Variants in UNC79 observed in about 807,000 individuals in gnomAD.
The protein encoded by UNC79 is protein unc-79 homolog.
A neutral mutation model predicts 283.1 loss-of-function variants in UNC79; 37 were observed. The ratio of observed to expected loss-of-function variants is 0.13; its 90% CI spans 0.10 to 0.17. UNC79 has a LOEUF of 0.17. UNC79 is among the 10% of genes least tolerant of loss of function. UNC79 has a pLI of 1.00. For missense variants in UNC79, 2,272 were observed against 3,211.1 expected (o/e 0.71, Z 7.07); for synonymous variants, 1,107 against 1,200.2 (o/e 0.92, Z 1.61).
chr14:93,643,570 G>C lies in UNC79; in HGVS notation c.5917G>C (p.Gly1973Arg), dbSNP rs138879934. ...TTTTCTTTGCAGATGCCATGACTGT[G>C]GGGCCATTCTTGAAGAATACGATGA... The change falls in exon 34 of 49, where the codon GGG (glycine) becomes CGG (arginine). Residue 1973 changes from glycine to arginine, a missense_variant. By Grantham distance (125) the Gly-to-Arg change is moderately radical (BLOSUM62 -2). This residue lies in a region of UNC79 where 287 missense variants were observed against 446.4 expected (regional missense o/e 0.64). Transcript: ENST00000555664. 140 of 1,613,778 alleles carry C rather than the reference G, an allele frequency of 8.7e-5. No homozygotes were observed. Among genetic ancestry groups the C allele is most frequent in the Admixed American group, 3.3e-5 (2 of 60,004 alleles).
intron 6 of UNC79, 125 bp downstream of exon 6, chr14:93,496,591 C>A: frequency 1.8e-6 from 1 of 545,964 alleles, no homozygotes; most frequent in Non-Finnish European, 3.1e-6. Flanking sequence ...TTTGATGTGG[C>A]AGAACCTATA....
chr14:93,624,822 C>A (rs1259756640), intron 30 of UNC79, among the ~76,000 whole-genome samples: 1 of 152,130 alleles, frequency 6.6e-6, no homozygotes, highest in Non-Finnish European at 1.5e-5. Flanking sequence ...CCCAGACTTT[C>A]CTGTGTCCAT....
rs576813524 is a variant in UNC79, at chr14:93,415,231, G to A, written c.-350-52440G>A. ...ATTTATTGAGTTTTTAGCATGAAGG[G>A]TTGTTGAATTTTGTCAAAGGCCTTT... On this transcript the variant is annotated intron_variant, in intron 1 of 49. Transcript: ENST00000256339. 2.6e-4 allele frequency among the ~76,000 whole-genome samples: 40 copies of A among 152,246 alleles called. 1 individual carries two copies. Among genetic ancestry groups the A allele is most frequent in the South Asian group, 1.2e-3 (6 of 4,818 alleles).
Position 93,523,860 on chromosome 14 carries a change from TAGAA to T in UNC79, c.899-115_899-112del, listed in dbSNP as rs947286133. 4.8e-6 allele frequency: 5 copies of T among 1,038,886 alleles called. No homozygotes were observed. The African/African-American group carries it at 4.9e-5, about 10-fold the overall frequency. 64.4% of individuals were successfully genotyped at this position (1,038,886 alleles called of 1,614,324 possible). ...TTATAGATTAAAAAGATGATTCTGTTAGAAAGCTTTCTGATGATGGTTCTGTTTA... is the reference window on the plus strand; with the variant it reads ...TTATAGATTAAAAAGATGATTCTGTTAGCTTTCTGATGATGGTTCTGTTTA... On this transcript the variant is annotated intron_variant, in intron 7 of 48. Coordinates refer to ENST00000555664, the Ensembl canonical transcript of UNC79.
At chr14:93,516,152 G>C (rs2060043265) in intron 7 of UNC79, among the ~76,000 whole-genome samples, 1 of 151,912 alleles carries the variant, frequency 6.6e-6, no homozygotes. Flanking sequence ...AACCATATAT[G>C]TATGTGTCTA....
intron 5 of UNC79, among the ~76,000 whole-genome samples, chr14:93,493,899 A>ATTTTTTT (rs1298223300): frequency 5.0e-5 from 3 of 60,284 alleles, no homozygotes; most frequent in African/African-American, 1.4e-4. Context: ...ATATATATAT[A>ATTTTTTT]TATTTTTTTT....
chr14:93,345,074 A>T (rs1253047454), intron 1 of UNC79, among the ~76,000 whole-genome samples: 1 of 152,156 alleles, frequency 6.6e-6, no homozygotes, highest in Non-Finnish European at 1.5e-5. Flanking sequence ...AGATCATACC[A>T]CAGCCCTCAT....
At chr14:93,469,988 G>A (rs191196973) in intron 2 of UNC79, among the ~76,000 whole-genome samples, 29 of 152,194 alleles carry the variant, frequency 1.9e-4, no homozygotes, top group Non-Finnish European at 8.8e-5. Flanking sequence ...ATTTTCTACT[G>A]CAAAATTATT....
intron 35 of UNC79, among the ~76,000 whole-genome samples, chr14:93,649,280 G>A (rs1169696500): frequency 2.6e-5 from 4 of 151,992 alleles, no homozygotes; most frequent in African/African-American, 4.8e-5. Flanking sequence ...TGTTCTATTC[G>A]ATGAATGGCT....
chr14:93,443,223 CTAAATAAATAAATAAATAAA>C (rs58351659), intron 1 of UNC79, among the ~76,000 whole-genome samples: 1 of 144,644 alleles, frequency 6.9e-6, no homozygotes, highest in South Asian at 2.3e-4. Context: ...GAGTCAGTCT[CTAAATAAATAAATAAATAAA>C]TAAATAAATA....
intron 40 of UNC79, among the ~76,000 whole-genome samples, chr14:93,669,325 A>G (rs2072577556): frequency 6.6e-6 from 1 of 152,238 alleles, no homozygotes; most frequent in African/African-American, 2.4e-5. Flanking sequence ...GGCTCAGATC[A>G]GGAAGAGCCC....
In UNC79 at chr14:93,464,072, C is replaced by G. The variant is rs188554589; in HGVS notation, c.23-3599C>G. ...GCTGAGGCAGGAGAATGGCGTGAAC[C>G]CAGGAGGCAGAGCTGGTAGTGAGCC... On this transcript the variant is annotated intron_variant, in intron 1 of 48. Transcript: ENST00000555664. Among the ~76,000 whole-genome samples, 290 of 152,224 alleles carry G rather than the reference C, an allele frequency of 1.9e-3. 2 individuals are homozygous for G. Among genetic ancestry groups the G allele is most frequent in the African/African-American group, 6.6e-3 (275 of 41,534 alleles).
At chr14:93,431,231 C>T (rs2140092325) in intron 1 of UNC79, among the ~76,000 whole-genome samples, 180 bp downstream of exon 1, 1 of 151,250 alleles carries the variant, frequency 6.6e-6, no homozygotes, top group Middle Eastern at 3.4e-3. Flanking sequence ...AATGGCAGCG[C>T]GGCGCTGTCC....
intron 22 of UNC79, among the ~76,000 whole-genome samples, chr14:93,590,658 A>C (rs962459960): frequency 1.3e-5 from 2 of 152,208 alleles, no homozygotes; most frequent in Admixed American, 6.5e-5. Context: ...TTTTCTCCGC[A>C]AAGTGCCACC....
intron 31 of UNC79, among the ~76,000 whole-genome samples, chr14:93,632,948 A>G (rs545760262): frequency 6.6e-6 from 1 of 152,230 alleles, no homozygotes; most frequent in Admixed American, 6.5e-5. Context: ...TGGAGGTATC[A>G]TGCCTGGTAC....
intron 1 of UNC79, among the ~76,000 whole-genome samples, chr14:93,377,933 GACA>G (rs2054594244): frequency 6.6e-6 from 1 of 152,182 alleles, no homozygotes; most frequent in African/African-American, 2.4e-5. Flanking sequence ...TTTACTGGTA[GACA>G]ACAACGAAAT....
intron 20 of UNC79, among the ~76,000 whole-genome samples, chr14:93,586,170 C>G (rs891461324): frequency 1.3e-5 from 2 of 152,158 alleles, no homozygotes; most frequent in East Asian, 1.9e-4. Flanking sequence ...CATGAGCCAC[C>G]GCGCCCATCC....
chr14:93,653,736 C>A lies in UNC79; in HGVS notation c.6084-6C>A, dbSNP rs768352523. ...TTCGTGTCTTTTCTCCCCTGTTCAA[C>A]TCCAGCATGATGGTTCCCGGCAATG... On this transcript the variant is annotated splice_polypyrimidine_tract_variant and splice_region_variant and intron_variant, in intron 35 of 48. Coordinates refer to ENST00000555664, the Ensembl canonical transcript of UNC79. 6.8e-6 allele frequency: 11 copies of A among 1,610,902 alleles called. No individual in the cohort carries two copies. The highest frequency in any genetic ancestry group is 1.3e-5 in the African/African-American group (1 of 75,014).
intron 1 of UNC79, among the ~76,000 whole-genome samples, chr14:93,347,635 C>T (rs2053885930): frequency 6.6e-6 from 1 of 152,038 alleles, no homozygotes; most frequent in African/African-American, 2.4e-5. Context: ...CCCTGAGGAA[C>T]GCGCGGGGAT....
Sources: allele counts gnomAD v4.1 joint callset (sites outside exome capture counted in the v4.1 genomes callset), GRCh38; gene constraint gnomAD v4.1.1; regional missense constraint gnomAD v4.1.1; transcripts MANE v1.5; gene names NCBI Gene and HGNC (gene_info 2026-07-23, HGNC 2026-07-21).